DMD: variants seen among roughly 807,000 people sequenced by gnomAD.
The protein encoded by DMD is dystrophin, also known as mutant dystrophin.
A neutral mutation model predicts 330.1 loss-of-function variants in DMD; 63 were observed. The observed-to-expected ratio is 0.19, with a 90% CI of 0.16 to 0.24. The LOEUF (loss-of-function observed/expected upper bound fraction) is 0.24, where lower values mean the gene tolerates loss of function less well. Ranked by LOEUF, DMD falls within the 10% of genes least tolerant of loss-of-function variation. The pLI is 1.00. For missense variants in DMD, 3,344 were observed against 2,684.1 expected (o/e 1.25, Z -5.43); for synonymous variants, 1,223 against 959.8 (o/e 1.27, Z -5.07).
chrX:32,550,220 A>G (rs946329761), intron 16 of DMD, among the ~76,000 whole-genome samples: 2 of 111,998 alleles, frequency 1.8e-5, no homozygotes, highest in African/African-American at 6.5e-5. Context: ...AAAATATGAT[A>G]TAGAGAGTTG....
At chrX:32,664,523 G>A (rs998790727) in intron 9 of DMD, among the ~76,000 whole-genome samples, 1 of 110,663 alleles carries the variant, frequency 9.0e-6, no homozygotes, top group Admixed American at 9.6e-5. Flanking sequence ...TTACAGGCGT[G>A]AGCCACCGCA....
chrX:32,124,964 T>TA (rs369743779), intron 44 of DMD, among the ~76,000 whole-genome samples: 883 of 77,417 alleles, frequency 0.011, 13 homozygotes, highest in African/African-American at 0.018. Flanking sequence ...TAGAGAAATC[T>TA]AAAAAAAAAA....
intron 60 of DMD, among the ~76,000 whole-genome samples, chrX:31,422,098 C>T (rs1046685346): frequency 2.9e-5 from 3 of 102,236 alleles, no homozygotes; most frequent in South Asian, 4.6e-4. Context: ...ACCCAGGCTC[C>T]GGGTTCAAGC....
intron 1 of DMD, among the ~76,000 whole-genome samples, chrX:33,035,022 T>C (rs1052898360): frequency 1.8e-5 from 2 of 111,389 alleles, no homozygotes; most frequent in African/African-American, 3.3e-5. Flanking sequence ...ATTTTATGAG[T>C]GTGTATATAT....
At chrX:32,012,027 C>T (rs776164493) in intron 44 of DMD, among the ~76,000 whole-genome samples, 2 of 112,089 alleles carry the variant, frequency 1.8e-5, no homozygotes, top group African/African-American at 6.5e-5. Flanking sequence ...GTCAAGCCCC[C>T]CCAGTCCTTT....
intron 62 of DMD, among the ~76,000 whole-genome samples, chrX:31,285,513 C>G (rs1245241152): frequency 8.9e-6 from 1 of 112,332 alleles, no homozygotes; most frequent in Non-Finnish European, 1.9e-5. Context: ...GTATGCATAT[C>G]ACAACTCTGA....
At chrX:32,878,434 G>T (rs1480143965) in intron 2 of DMD, among the ~76,000 whole-genome samples, 1 of 111,796 alleles carries the variant, frequency 8.9e-6, no homozygotes, top group Non-Finnish European at 1.9e-5. Flanking sequence ...TCGACAGAAT[G>T]TTAGAGTTCA....
intron 2 of DMD, among the ~76,000 whole-genome samples, chrX:32,887,433 A>G (rs1373467401): frequency 1.8e-5 from 2 of 110,331 alleles, no homozygotes; most frequent in African/African-American, 6.6e-5. Flanking sequence ...ACTTACAGGT[A>G]AAACCTGAAA....
At position 32,167,732 on chromosome X, in the gene DMD, C is replaced by T. The variant is rs142942674; in HGVS notation, c.6438+49184G>A. ...GATGAATAGGCATGAAGGACAGGCA[C>T]GAAGGCCTTTAATGTTTGTGAGCCT... On this transcript the variant is annotated intron_variant, in intron 44 of 78. Transcript: ENST00000357033. Among the ~76,000 whole-genome samples, 798 of 111,809 alleles carry T rather than the reference C, an allele frequency of 7.1e-3. 2 individuals carry two copies. The highest frequency in any genetic ancestry group is 0.012 in the Non-Finnish European group (612 of 53,139).
At chrX:32,079,867 C>A (rs766678638) in intron 44 of DMD, among the ~76,000 whole-genome samples, 1 of 111,874 alleles carries the variant, frequency 8.9e-6, no homozygotes, top group Non-Finnish European at 1.9e-5. Context: ...CAAAATTGCA[C>A]GTCCTGTAAT....
intron 4 of DMD, among the ~76,000 whole-genome samples, chrX:32,844,520 G>C (rs1207140600): frequency 8.9e-6 from 1 of 111,771 alleles, no homozygotes; most frequent in Non-Finnish European, 1.9e-5. Flanking sequence ...ACAGCTTCAT[G>C]AAGTAAAATC....
intron 7 of DMD, among the ~76,000 whole-genome samples, chrX:32,703,833 T>G (rs1288446775): frequency 9.0e-6 from 1 of 111,506 alleles, no homozygotes; most frequent in East Asian, 2.8e-4. Context: ...GGGATGTAAT[T>G]TATACTTCTT....
chrX:32,858,143 C>G (rs2149066621), intron 2 of DMD, among the ~76,000 whole-genome samples: 1 of 111,670 alleles, frequency 9.0e-6, no homozygotes, highest in East Asian at 2.8e-4. Context: ...GAGTGCTTCT[C>G]AGAATATTCT....
chrX:31,144,941 T>C (rs971388180), intron 76 of DMD, among the ~76,000 whole-genome samples: 1 of 111,825 alleles, frequency 8.9e-6, no homozygotes, highest in Non-Finnish European at 1.9e-5. Context: ...TGCCCTACTC[T>C]TGTTTTGACC....
intron 16 of DMD, among the ~76,000 whole-genome samples, chrX:32,554,829 AGG>A (rs2050005440): frequency 5.5e-4 from 2 of 3,642 alleles, no homozygotes; most frequent in African/African-American, 5.8e-3. Flanking sequence ...AGGGAGGGGG[AGG>A]GAGAGAGAGA....
chrX:31,239,892 T>C (rs2048082059), intron 63 of DMD, among the ~76,000 whole-genome samples: 1 of 111,865 alleles, frequency 8.9e-6, no homozygotes, highest in Admixed American at 9.5e-5. Flanking sequence ...GCCTCCATCC[T>C]GAATGAAGAA....
chrX:31,786,105 A>G (rs920369782), intron 50 of DMD, among the ~76,000 whole-genome samples: 1 of 111,860 alleles, frequency 8.9e-6, no homozygotes, highest in African/African-American at 3.2e-5. Flanking sequence ...CATCCTCTCC[A>G]GCATCTGTTG....
intron 27 of DMD, among the ~76,000 whole-genome samples, chrX:32,444,361 A>AG (rs752797729): frequency 1.0e-4 from 11 of 108,694 alleles, no homozygotes; most frequent in Non-Finnish European, 1.7e-4. Context: ...AATAGCCCAG[A>AG]GAAAAAAAAA....
intron 1 of DMD, among the ~76,000 whole-genome samples, chrX:33,168,766 G>A (rs1183961260): frequency 9.1e-6 from 1 of 110,040 alleles, no homozygotes; most frequent in Admixed American, 9.8e-5. Flanking sequence ...GATTATTGAT[G>A]GGGAGAAACT....
Sources: allele counts gnomAD v4.1 joint callset (sites outside exome capture counted in the v4.1 genomes callset), GRCh38; gene constraint gnomAD v4.1.1; transcripts MANE v1.5; gene names NCBI Gene and HGNC (gene_info 2026-07-23, HGNC 2026-07-21).